Variants in HMGXB3 observed in about 807,000 individuals in gnomAD.
The protein encoded by HMGXB3 is HMG-box containing 3.
A neutral mutation model predicts 121.5 loss-of-function variants in HMGXB3; 45 were observed. That is an observed-to-expected ratio of 0.37 (90% CI 0.29 to 0.47). The LOEUF (loss-of-function observed/expected upper bound fraction) is 0.47. Among genes scored for constraint, HMGXB3 ranks in the 20% least tolerant of loss-of-function variants. The pLI, the probability that HMGXB3 is intolerant of heterozygous loss-of-function variation, is 0.99. For missense variants in HMGXB3, 1,376 were observed against 1,602.2 expected, an observed-to-expected ratio of 0.86 and a Z score of 2.41; for synonymous variants, 590 against 624.1, an observed-to-expected ratio of 0.95 and a Z score of 0.81.
Position 150,050,342 on chromosome 5 carries a change from T to C in HMGXB3, c.3292T>C (p.Tyr1098His). 1 of 1,551,874 alleles carries C rather than the reference T, an allele frequency of 6.4e-7. No individual in the cohort carries two copies. The highest frequency in any genetic ancestry group is 8.7e-7 in the Non-Finnish European group (1 of 1,147,004). ...CTCTTCCCGCCACTGGCCGCCTGTC[T>C]ATGTGGTAGATATGGCCACGTCAGT... is the stretch of plus-strand genomic sequence containing the variant. ...LASSRHWPPV[Y>H]VVDMATSVAL... The change falls in exon 19 of 20, where the codon TAT becomes CAT. Residue 1098 changes from tyrosine (Y) to histidine (H), a missense_variant. Around this residue, in one of 2 missense-constraint regions of HMGXB3, gnomAD observed 1,116 missense variants for 1,369.0 expected, o/e 0.82. Coordinates refer to ENST00000502717, the MANE Select transcript of HMGXB3 (RefSeq NM_014983.3).
In HMGXB3 at chr5:150,010,178, G is replaced by A; in HGVS notation, c.380G>A (p.Arg127His). The stretch of plus-strand genomic sequence containing the variant: ...CCAGGTTTCCGCAAGATCCTCCCAC[G>A]CTCAGATTATATCATCATCCCCAAG... ...DIPGFRKILP[R>H]SDYIIIPKSS... Residue 127 changes from arginine (R) to histidine (H), a missense_variant, in exon 4 of 20, where the codon CGC (arginine) becomes CAC (histidine). Physicochemically the swap from Arg to His is conservative, Grantham distance 29. Transcript: ENST00000502717. 1.3e-6 allele frequency: 2 copies of A among 1,551,660 alleles called. No individual in the cohort carries two copies. The highest frequency in any genetic ancestry group is 1.7e-6 in the Non-Finnish European group (2 of 1,147,002).
At position 150,010,570 on chromosome 5, in the gene HMGXB3, C is replaced by A; in HGVS notation, c.772C>A (p.Gln258Lys). ...TGGAAGCCTGGCTGTGCCCCACCCC[C>A]AGGTTGGGGAGAGTGTATCAGTGGT... The part of the protein sequence containing the change: ...PTGSLAVPHP[Q>K]VGESVSVVTV... Residue 258 changes from glutamine to lysine, a missense_variant, in exon 4 of 20, where the codon CAG (glutamine) becomes AAG (lysine). Gln to Lys is a moderately conservative substitution (Grantham distance 53). Coordinates refer to ENST00000502717, the MANE Select transcript of HMGXB3 (RefSeq NM_014983.3). 6.4e-7 allele frequency: 1 copy of A among 1,551,318 alleles called. No homozygotes were observed.
intron 15 of HMGXB3, among the ~76,000 whole-genome samples, chr5:150,042,454 T>A (rs1756658839): frequency 6.6e-6 from 1 of 152,176 alleles, no homozygotes; most frequent in African/African-American, 2.4e-5. Flanking sequence ...GCCCCTCTGA[T>A]ACAGTAGCAT....
At chr5:150,037,243 A>AG (rs1756520894) in intron 12 of HMGXB3, among the ~76,000 whole-genome samples, 157 bp from the exon 13 acceptor site, 1 of 152,248 alleles carries the variant, frequency 6.6e-6, no homozygotes, top group African/African-American at 2.4e-5. Context: ...CATTAATTGT[A>AG]GGGATGATTC....
At chr5:150,002,549 A>C (rs1006702533) in intron 1 of HMGXB3, among the ~76,000 whole-genome samples, 13 of 152,186 alleles carry the variant, frequency 8.5e-5, no homozygotes, top group Admixed American at 3.9e-4. Flanking sequence ...TTTCCTCCTG[A>C]CAGATTTTCA....
rs1476732329 is a variant in HMGXB3, at chr5:150,050,320, T to C, written c.3270T>C (p.Ser1090=). 4.5e-6 allele frequency: 7 copies of C among 1,551,640 alleles called. No individual in the cohort carries two copies. Among genetic ancestry groups the C allele is most frequent in the Non-Finnish European group, 6.1e-6 (7 of 1,147,006 alleles). Residue 1090 remains serine (S), a synonymous_variant, in exon 19 of 20, where the codon TCT becomes TCC. Coordinates refer to ENST00000502717, the MANE Select transcript of HMGXB3 (RefSeq NM_014983.3). ...GTGACCATGTGGACCTGCTTGCCTC[T>C]TCCCGCCACTGGCCGCCTGTCTATG... ...SARDHVDLLA[S]SRHWPPVYVV...
intron 3 of HMGXB3, among the ~76,000 whole-genome samples, chr5:150,006,986 T>A (rs1277200239): frequency 6.6e-6 from 1 of 152,220 alleles, no homozygotes; most frequent in Non-Finnish European, 1.5e-5. Context: ...ATATAGGCAT[T>A]TCTCCTACGC....
At chr5:150,020,690 G>T (rs1445734520) in intron 6 of HMGXB3, among the ~76,000 whole-genome samples, 1 of 150,622 alleles carries the variant, frequency 6.6e-6, no homozygotes, top group Non-Finnish European at 1.5e-5. Flanking sequence ...TTCCTGAGTA[G>T]CTGGTACTAT....
chr5:150,022,735 A>T (rs1179928695), intron 6 of HMGXB3, among the ~76,000 whole-genome samples: 1 of 152,024 alleles, frequency 6.6e-6, no homozygotes, highest in Non-Finnish European at 1.5e-5. Context: ...TCTCCATGTT[A>T]ACTCACTCTT....
intron 5 of HMGXB3, among the ~76,000 whole-genome samples, chr5:150,018,162 G>A (rs749676640): frequency 5.6e-4 from 85 of 152,306 alleles, no homozygotes; most frequent in Non-Finnish European, 9.7e-4. Context: ...TGGGTTCTAG[G>A]TCTAGCTCTG....
intron 13 of HMGXB3, among the ~76,000 whole-genome samples, chr5:150,038,650 T>C (rs958246652): frequency 6.6e-6 from 1 of 152,254 alleles, no homozygotes; most frequent in Non-Finnish European, 1.5e-5. Context: ...ATCTCATCTT[T>C]ATCCATATAG....
chr5:150,016,947 T>C (rs1418848237), intron 5 of HMGXB3, among the ~76,000 whole-genome samples: 2 of 152,216 alleles, frequency 1.3e-5, no homozygotes, highest in African/African-American at 4.8e-5. Flanking sequence ...TCTTCAGAGA[T>C]CTCTACTGAG....
intron 5 of HMGXB3, among the ~76,000 whole-genome samples, chr5:150,012,827 T>C (rs1755874016): frequency 6.6e-6 from 1 of 152,242 alleles, no homozygotes; most frequent in Non-Finnish European, 1.5e-5. Context: ...GGCTGAGATT[T>C]ATCCCTGTTT....
chr5:150,051,037 T>A (rs183052500), intron 19 of HMGXB3, among the ~76,000 whole-genome samples: 38 of 152,326 alleles, frequency 2.5e-4, no homozygotes, highest in African/African-American at 8.4e-4. Flanking sequence ...GATCTGAAGA[T>A]ACACTGGTTT....
intron 13 of HMGXB3, among the ~76,000 whole-genome samples, chr5:150,037,901 A>G (rs901000566): frequency 1.3e-5 from 2 of 152,230 alleles, no homozygotes; most frequent in East Asian, 3.8e-4. Context: ...TAGGATGTAT[A>G]GGTTTATAGT....
At position 150,052,478 on chromosome 5, in the gene HMGXB3, T is replaced by C. The variant is rs1035995707; in HGVS notation, c.*286T>C. ...GAGGGGAGGCTGAGGGAAAGGCTCG[T>C]AGCTGGTGGGTTCCGTGGGGCCTGC... is the stretch of plus-strand genomic sequence containing the variant. On this transcript the variant is annotated 3_prime_UTR_variant, in exon 20 of 20. Coordinates refer to ENST00000502717, the MANE Select transcript of HMGXB3 (RefSeq NM_014983.3). 2 of 378,080 alleles carry C rather than the reference T, an allele frequency of 5.3e-6. No individual in the cohort carries two copies. Among genetic ancestry groups the C allele is most frequent in the African/African-American group, 4.0e-5 (2 of 49,568 alleles). The allele number at this position is 378,080 out of a possible 1,614,324, so 23.4% of individuals were successfully genotyped here.
At chr5:150,016,929 T>C (rs1172381993) in intron 5 of HMGXB3, among the ~76,000 whole-genome samples, 5 of 152,258 alleles carry the variant, frequency 3.3e-5, no homozygotes, top group African/African-American at 7.2e-5. Context: ...TTTTAACTTA[T>C]AAGTTTATCT....
intron 19 of HMGXB3, 105 bp downstream of exon 19, chr5:150,050,566 C>T (rs748531517): frequency 1.3e-5 from 11 of 848,140 alleles, no homozygotes; most frequent in Non-Finnish European, 1.8e-5. Flanking sequence ...ACTGCAACCT[C>T]TGCCTCCCAG....
intron 6 of HMGXB3, among the ~76,000 whole-genome samples, chr5:150,023,929 G>C (rs752267242): frequency 1.8e-4 from 27 of 152,248 alleles, no homozygotes; most frequent in Non-Finnish European, 3.5e-4. Flanking sequence ...TAGACACACA[G>C]AAGTAGCCTT....
Sources: allele counts gnomAD v4.1 joint callset (sites outside exome capture counted in the v4.1 genomes callset), GRCh38; gene constraint gnomAD v4.1.1; regional missense constraint gnomAD v4.1.1; transcripts MANE v1.5; gene names NCBI Gene and HGNC (gene_info 2026-07-23, HGNC 2026-07-21).